MTREX: variants seen among roughly 807,000 people sequenced by gnomAD.
MTREX encodes the protein Mtr4 exosome RNA helicase.
Under a neutral mutation model 135.4 loss-of-function variants are expected in MTREX, and 76 were observed. The observed-to-expected ratio is 0.56, with a 90% CI of 0.47 to 0.68. The LOEUF (loss-of-function observed/expected upper bound fraction) is 0.68. Ranked by LOEUF, MTREX falls within the 30% of genes least tolerant of loss-of-function variation. The pLI is 0.00. For missense variants in MTREX, 920 were observed against 1,262.1 expected (o/e 0.73, Z 4.11); for synonymous variants, 404 against 401.6 (o/e 1.01, Z -0.07).
chr5:55,411,197 A>G (rs1026226345), intron 23 of MTREX, among the ~76,000 whole-genome samples: 1 of 152,232 alleles, frequency 6.6e-6, no homozygotes, highest in Non-Finnish European at 1.5e-5. Flanking sequence ...TGGAACACAT[A>G]AGAACACTAA....
At chr5:55,356,427 T>C in intron 14 of MTREX, 1 of 207,790 alleles carries the variant, frequency 4.8e-6, no homozygotes, top group South Asian at 9.4e-5. Context: ...TTTGGTGCTC[T>C]GGCAGTGTGA....
intron 21 of MTREX, 102 bp downstream of exon 21, chr5:55,400,523 G>C (rs1445607486): frequency 4.2e-6 from 3 of 714,928 alleles, no homozygotes; most frequent in Non-Finnish European, 6.5e-6. Context: ...GGCTAAAACA[G>C]GAAAATGTGA....
At chr5:55,317,471 G>T (rs1198489186) in intron 1 of MTREX, among the ~76,000 whole-genome samples, 1 of 152,054 alleles carries the variant, frequency 6.6e-6, no homozygotes, top group African/African-American at 2.4e-5. Context: ...CTAGAAATAA[G>T]GCCGCACATC....
intron 22 of MTREX, among the ~76,000 whole-genome samples, chr5:55,408,483 A>C (rs990298508): frequency 4.6e-5 from 7 of 152,166 alleles, no homozygotes; most frequent in African/African-American, 1.4e-4. Flanking sequence ...TAAGCTTAAC[A>C]CTAGAGACCC....
intron 2 of MTREX, among the ~76,000 whole-genome samples, chr5:55,323,575 A>T (rs1202299735): frequency 2.0e-5 from 3 of 152,092 alleles, no homozygotes. Flanking sequence ...GGCGCGTGCC[A>T]CCACGTATGC....
In MTREX at chr5:55,370,047, T is replaced by C. The variant is rs553979833; in HGVS notation, c.1810+3172T>C. Among the ~76,000 whole-genome samples the C allele has an allele frequency of 2.2e-4, 33 of 151,972 alleles. No individual in the cohort carries two copies. In the South Asian group the frequency reaches 5.6e-3, roughly 26 times the overall value. On this transcript the variant is annotated intron_variant, in intron 16 of 26. Coordinates refer to ENST00000230640, the MANE Select transcript of MTREX (RefSeq NM_015360.5). ...CAAGTGATTCTCCTGCCTCAGCCTCTCAAGTAGCTGGGATTACAGGCATGC... is the reference window on the plus strand; with the variant it reads ...CAAGTGATTCTCCTGCCTCAGCCTCCCAAGTAGCTGGGATTACAGGCATGC...
At position 55,322,397 on chromosome 5, in the gene MTREX, G is replaced by A. The variant is rs201499834; in HGVS notation, c.205G>A (p.Glu69Lys). ...NGKNKRDVDF[E>K]GTDEPIFGKK... ...AAAAAATAAGAGAGATGTAGATTTCGAAGGTACAGATGAACCCATTTTTGG... is the reference window on the plus strand; with the variant it reads ...AAAAAATAAGAGAGATGTAGATTTCAAAGGTACAGATGAACCCATTTTTGG... The change falls in exon 2 of 27, where the codon GAA becomes AAA. Residue 69 changes from glutamate (E) to lysine (K), a missense_variant. Around this residue, in one of 6 missense-constraint regions of MTREX, gnomAD observed 136 missense variants for 126.7 expected, o/e 1.07. Transcript: ENST00000230640. 197 of 1,608,734 alleles carry A rather than the reference G, an allele frequency of 1.2e-4. No homozygotes were observed. Among genetic ancestry groups the A allele is most frequent in the Non-Finnish European group, 2.0e-5 (24 of 1,176,980 alleles).
intron 15 of MTREX, among the ~76,000 whole-genome samples, chr5:55,363,942 C>T (rs1750054970): frequency 6.6e-6 from 1 of 152,124 alleles, no homozygotes; most frequent in Non-Finnish European, 1.5e-5. Flanking sequence ...TACATTCATG[C>T]ATAGAAAGCG....
chr5:55,374,264 T>TTATATATATATATATATATATATATA (rs763872215), intron 16 of MTREX, among the ~76,000 whole-genome samples: 3 of 139,680 alleles, frequency 2.1e-5, no homozygotes, highest in African/African-American at 8.0e-5. Context: ...CAAAAAACAT[T>TTATATATATATATATATATATATATA]TATATATATA....
chr5:55,363,759 T>G (rs911900443), intron 15 of MTREX, among the ~76,000 whole-genome samples: 3 of 152,198 alleles, frequency 2.0e-5, no homozygotes, highest in Non-Finnish European at 4.4e-5. Flanking sequence ...TCCTATTTGT[T>G]TAGTCTTGGC....
intron 10 of MTREX, among the ~76,000 whole-genome samples, chr5:55,345,407 T>C (rs1749715233): frequency 6.6e-6 from 1 of 152,174 alleles, no homozygotes. Context: ...AATTCAGTAG[T>C]CTTTAGTATA....
At chr5:55,355,226 C>T (rs1749892031) in intron 14 of MTREX, among the ~76,000 whole-genome samples, 1 of 152,074 alleles carries the variant, frequency 6.6e-6, no homozygotes. Flanking sequence ...CTCCCAGGCT[C>T]TCTATACTAT....
intron 18 of MTREX, among the ~76,000 whole-genome samples, chr5:55,385,137 A>G (rs1006196738): frequency 3.9e-5 from 6 of 152,192 alleles, no homozygotes; most frequent in African/African-American, 1.4e-4. Flanking sequence ...CTCTGAGTCA[A>G]AATTCTAAAG....
At chr5:55,362,083 ATTTTTTTTTT>A (rs35074192) in intron 15 of MTREX, among the ~76,000 whole-genome samples, 2 of 111,168 alleles carry the variant, frequency 1.8e-5, no homozygotes, top group Non-Finnish European at 3.5e-5. Context: ...CGTCTGGCTA[ATTTTTTTTTT>A]TTTTTTTTTT....
At chr5:55,370,664 A>G (rs1193653688) in intron 16 of MTREX, among the ~76,000 whole-genome samples, 1 of 152,208 alleles carries the variant, frequency 6.6e-6, no homozygotes, top group Non-Finnish European at 1.5e-5. Flanking sequence ...GATGAAAGAG[A>G]AATAAGGGAA....
intron 1 of MTREX, among the ~76,000 whole-genome samples, chr5:55,315,810 C>G (rs1749189018): frequency 1.3e-5 from 2 of 149,670 alleles, no homozygotes; most frequent in East Asian, 3.9e-4. Context: ...GTAGTCCCAG[C>G]TAGTAGGGAG....
intron 5 of MTREX, among the ~76,000 whole-genome samples, chr5:55,332,398 A>G (rs1019343947): frequency 6.6e-6 from 1 of 152,244 alleles, no homozygotes; most frequent in Non-Finnish European, 1.5e-5. Context: ...ACTGTAGAGA[A>G]AAGAAACAGA....
intron 23 of MTREX, among the ~76,000 whole-genome samples, chr5:55,413,643 C>CA (rs1750920366): frequency 1.3e-5 from 2 of 152,102 alleles, no homozygotes; most frequent in Non-Finnish European, 2.9e-5. Flanking sequence ...TGTGGGAAAG[C>CA]AATACTAAGA....
intron 21 of MTREX, among the ~76,000 whole-genome samples, chr5:55,402,852 A>ATGTG (rs767239762): frequency 0.018 from 2,068 of 114,430 alleles, 42 homozygotes; most frequent in African/African-American, 0.05. Context: ...ATGTGTATGT[A>ATGTG]TGTGTGTGTG....
Sources: gnomAD v4.1 joint callset for allele counts (sites outside exome capture counted in the v4.1 genomes callset) on GRCh38, gnomAD v4.1.1 for gene constraint, gnomAD v4.1.1 regional missense constraint, MANE v1.5 for transcripts, NCBI Gene and HGNC (gene_info 2026-07-23, HGNC 2026-07-21) for gene names.